SMIM27: variants seen among roughly 807,000 people sequenced by gnomAD.
SMIM27 encodes transition zone microprotein 1.
Under a neutral mutation model 1.8 loss-of-function variants are expected in SMIM27, and 3 were observed. The ratio of observed to expected loss-of-function variants is 1.65; its 90% CI spans 0.75 to 4.28. The LOEUF is 4.28. SMIM27 is among the 30% of genes most tolerant of loss of function. The probability of loss-of-function intolerance (pLI) is 0.02; values close to 1 mark genes in which losing one functional copy is unlikely to be tolerated. For missense variants in SMIM27, 63 were observed against 37.0 expected, an observed-to-expected ratio of 1.70 and a Z score of -1.83; for synonymous variants, 19 against 13.9, an observed-to-expected ratio of 1.37 and a Z score of -0.82.
chr9:32,562,876 G>A (rs907981245), intron 1 of SMIM27, among the ~76,000 whole-genome samples: 26 of 152,146 alleles, frequency 1.7e-4, no homozygotes, highest in African/African-American at 6.0e-4. Context: ...TGCCAACACC[G>A]TCACTGTTCT....
chr9:32,552,265 C>T (rs762919593), upstream of SMIM27: 18 of 882,788 alleles, frequency 2.0e-5, no homozygotes, highest in Non-Finnish European at 3.1e-5. Context: ...GTGATACCGC[C>T]CCCCAACTCC....
chr9:32,560,105 G>A (rs997899072), intron 1 of SMIM27, among the ~76,000 whole-genome samples: 16 of 152,212 alleles, frequency 1.1e-4, no homozygotes, highest in Non-Finnish European at 4.4e-5. Flanking sequence ...AAAGTCATCT[G>A]AGAGATGCAG....
downstream of SMIM27, among the ~76,000 whole-genome samples, chr9:32,557,680 T>C (rs989752892): frequency 1.3e-5 from 2 of 152,062 alleles, no homozygotes; most frequent in African/African-American, 4.8e-5. Context: ...GGTTTCACCA[T>C]GTTGGCCAGG....
At chr9:32,557,182 C>T (rs1384652307), downstream of SMIM27, among the ~76,000 whole-genome samples, 4 of 128,362 alleles carry the variant, frequency 3.1e-5, no homozygotes, top group African/African-American at 9.2e-5. Flanking sequence ...TTTTTTTTCC[C>T]GAGACAGAGT....
downstream of SMIM27, chr9:32,553,937 G>GT (rs1563989974): frequency 3.1e-6 from 5 of 1,589,284 alleles, no homozygotes; most frequent in East Asian, 2.2e-5. Flanking sequence ...CTCCAGAATT[G>GT]TATCACCCTA....
At chr9:32,551,812 C>T (rs1000958205), upstream of SMIM27, 7 of 446,548 alleles carry the variant, frequency 1.6e-5, no homozygotes, top group Admixed American at 1.4e-4. Flanking sequence ...TGGCGGGTAA[C>T]GCGTCCCACG....
intron 1 of SMIM27, among the ~76,000 whole-genome samples, chr9:32,564,480 CACA>C (rs1408599039): frequency 1.9e-4 from 29 of 149,880 alleles, no homozygotes; most frequent in African/African-American, 7.2e-4. Context: ...CTGCTGATTA[CACA>C]ACAAATGTAA....
downstream of SMIM27, chr9:32,553,312 C>G (rs527590065): frequency 5.8e-6 from 1 of 173,778 alleles, no homozygotes; most frequent in Non-Finnish European, 1.2e-5. Context: ...CCTCAGCCTC[C>G]GCAGTAGCTG....
upstream of SMIM27, chr9:32,551,234 C>A (rs979342714): frequency 1.3e-4 from 78 of 587,850 alleles, 1 homozygote; most frequent in South Asian, 1.5e-3. Flanking sequence ...TGAATGTTCG[C>A]CCCTAACTTA....
At chr9:32,564,433 T>A (rs1821718615) in intron 1 of SMIM27, among the ~76,000 whole-genome samples, 1 of 152,084 alleles carries the variant, frequency 6.6e-6, no homozygotes, top group Non-Finnish European at 1.5e-5. Context: ...ACTCTATCAG[T>A]GCCATTTTTC....
downstream of SMIM27, among the ~76,000 whole-genome samples, chr9:32,555,316 AG>A (rs1174026668): frequency 6.6e-6 from 1 of 152,228 alleles, no homozygotes; most frequent in Non-Finnish European, 1.5e-5. Context: ...CTAAACAATA[AG>A]TTAACACAAG....
chr9:32,551,871 C>A, upstream of SMIM27: 1 of 411,996 alleles, frequency 2.4e-6, no homozygotes, highest in African/African-American at 2.0e-5. Context: ...TGAAGAATGG[C>A]TCGATTTACA....
Position 32,552,476 on chromosome 9 carries a change from A to G in SMIM27, c.42A>G (p.Ser14=), listed in dbSNP as rs2118988245. ...GTCGCACGCTGGACTGGATTTATTC[A>G]GTGGTAAGTCCCGGGGATCGCGGGC... is the stretch of plus-strand genomic sequence containing the variant. ...VSRRTLDWIY[S]VLLLAIVLIS... The change falls in exon 1 of 2, where the codon TCA becomes TCG. Residue 14 remains serine (S), a synonymous_variant. Transcript: ENST00000692500. 1.3e-6 allele frequency: 2 copies of G among 1,597,258 alleles called. No individual in the cohort carries two copies. Among genetic ancestry groups the G allele is most frequent in the Non-Finnish European group, 1.7e-6 (2 of 1,172,462 alleles).
At chr9:32,563,183 G>A (rs61091479) in intron 1 of SMIM27, among the ~76,000 whole-genome samples, 6,199 of 152,110 alleles carry the variant, frequency 0.041, 437 homozygotes, top group African/African-American at 0.14. Flanking sequence ...ATTTCAGTTT[G>A]CCCCATTATC....
chr9:32,552,491 G>A lies in SMIM27; in HGVS notation c.45+12G>A. The A allele has an allele frequency of 6.3e-7, 1 of 1,581,676 alleles. No homozygotes were observed. The highest frequency in any genetic ancestry group is 2.1e-4 in the Middle Eastern group (1 of 4,782). On this transcript the variant is annotated intron_variant, in intron 1 of 1. Transcript: ENST00000692500. The stretch of plus-strand genomic sequence containing the variant: ...GGATTTATTCAGTGGTAAGTCCCGG[G>A]GATCGCGGGCCCCCACCGTGTCGAC...
intron 1 of SMIM27, among the ~76,000 whole-genome samples, chr9:32,561,453 G>A (rs1038087823): frequency 4.0e-5 from 6 of 151,814 alleles, no homozygotes; most frequent in African/African-American, 1.5e-4. Flanking sequence ...TCAGCCTTCT[G>A]AGTAGCTGGG....
chr9:32,561,324 T>C (rs1283723230), intron 1 of SMIM27, among the ~76,000 whole-genome samples: 3 of 151,792 alleles, frequency 2.0e-5, no homozygotes, highest in Non-Finnish European at 4.4e-5. Context: ...AAAAATTCAC[T>C]ATTTTCTTTT....
At chr9:32,564,400 T>C (rs539207657) in intron 1 of SMIM27, among the ~76,000 whole-genome samples, 16 of 152,246 alleles carry the variant, frequency 1.1e-4, no homozygotes, top group African/African-American at 3.9e-4. Flanking sequence ...AAATAGAAGG[T>C]TTTAGCAACC....
At chr9:32,566,364 C>T (rs1262669054) in intron 1 of SMIM27, 11 of 1,178,544 alleles carry the variant, frequency 9.3e-6, no homozygotes, top group Non-Finnish European at 1.4e-5. Flanking sequence ...AATGATGGTG[C>T]GTTTTTGTTT....
Sources: gnomAD v4.1 joint callset for allele counts (sites outside exome capture counted in the v4.1 genomes callset) on GRCh38, gnomAD v4.1.1 for gene constraint, MANE v1.5 for transcripts, NCBI Gene and HGNC (gene_info 2026-07-23, HGNC 2026-07-21) for gene names.